The following PPM1H variants were observed in gnomAD, a reference collection of about 807,000 sequenced individuals.
PPM1H encodes the protein protein phosphatase, Mg2+/Mn2+ dependent 1H.
Under a neutral mutation model 54.9 loss-of-function variants are expected in PPM1H, and 27 were observed. The observed-to-expected ratio is 0.49, with a 90% CI of 0.36 to 0.68. The LOEUF (loss-of-function observed/expected upper bound fraction) is 0.68. Among genes scored for constraint, PPM1H ranks in the 30% least tolerant of loss-of-function variants. The pLI is 0.00. For synonymous variants in PPM1H, 305 were observed against 270.8 expected (o/e 1.13, Z -1.24); for missense variants, 596 against 667.8 (o/e 0.89, Z 1.19).
chr12:62,760,992 A>G (rs1399410768), intron 4 of PPM1H, among the ~76,000 whole-genome samples: 1 of 152,236 alleles, frequency 6.6e-6, no homozygotes, highest in African/African-American at 2.4e-5. Context: ...CAGTGCAAAC[A>G]CCAGGGTGTA....
chr12:62,822,933 CA>C (rs1249696795), intron 2 of PPM1H, among the ~76,000 whole-genome samples: 25 of 151,986 alleles, frequency 1.6e-4, no homozygotes, highest in Non-Finnish European at 2.9e-4. Context: ...AAAAACCCTT[CA>C]AAAAAATCAA....
In PPM1H at chr12:62,666,584, A is replaced by C. The variant is rs566505384; in HGVS notation, c.1397+594T>G. 7.9e-5 allele frequency among the ~76,000 whole-genome samples: 12 copies of C among 152,354 alleles called. No homozygotes were observed. In the South Asian group the frequency reaches 1.9e-3, roughly 24 times the overall value. ...TCAGAAATGGGATTATTTCTACTTT[A>C]GAGGATAGCTTAGAGGAAGTAAAAA... On this transcript the variant is annotated intron_variant, in intron 9 of 9. Coordinates refer to ENST00000228705, the MANE Select transcript of PPM1H (RefSeq NM_020700.2).
intron 2 of PPM1H, among the ~76,000 whole-genome samples, chr12:62,821,212 A>G (rs1340439525): frequency 3.3e-5 from 5 of 152,210 alleles, no homozygotes; most frequent in Non-Finnish European, 1.5e-5. Context: ...TGAGAGGAGA[A>G]GTTTAGAGAA....
intron 4 of PPM1H, among the ~76,000 whole-genome samples, chr12:62,765,819 G>T (rs2076539252): frequency 6.6e-6 from 1 of 152,216 alleles, no homozygotes; most frequent in Non-Finnish European, 1.5e-5. Context: ...TCCCAGGGCT[G>T]TTCTTGACAG....
chr12:62,699,707 G>A (rs549161972), intron 6 of PPM1H, among the ~76,000 whole-genome samples: 1 of 152,308 alleles, frequency 6.6e-6, no homozygotes, highest in East Asian at 1.9e-4. Flanking sequence ...TAGCTCTTGG[G>A]CTATCTATGA....
intron 2 of PPM1H, among the ~76,000 whole-genome samples, chr12:62,810,634 T>G (rs1262585982): frequency 6.6e-6 from 1 of 152,258 alleles, no homozygotes; most frequent in African/African-American, 2.4e-5. Context: ...AAGGGCAATT[T>G]TAGTTATTTT....
chr12:62,931,139 T>C lies in PPM1H; in HGVS notation c.245+3353A>G, dbSNP rs565420650. 3.3e-5 allele frequency among the ~76,000 whole-genome samples: 5 copies of C among 152,318 alleles called. No individual in the cohort carries two copies. The East Asian group carries it at 7.7e-4, about 24-fold the overall frequency. ...TTTTTCTACCATCTCAAAGGGTCAG[T>C]CATCAACATTAACTCATTGACCAAA... On this transcript the variant is annotated intron_variant, in intron 1 of 9. Transcript: ENST00000228705.
intron 1 of PPM1H, among the ~76,000 whole-genome samples, chr12:62,927,639 G>A (rs1346287269): frequency 1.3e-5 from 2 of 148,960 alleles, no homozygotes; most frequent in African/African-American, 2.5e-5. Context: ...TCCAGCCTGG[G>A]CAACAAGAGC....
chr12:62,794,824 G>A (rs1323648566), intron 3 of PPM1H, among the ~76,000 whole-genome samples: 3 of 152,088 alleles, frequency 2.0e-5, no homozygotes, highest in Non-Finnish European at 2.9e-5. Flanking sequence ...ATTGTCCTGG[G>A]CCAAGCGACA....
At position 62,656,789 on chromosome 12, in the gene PPM1H, G is replaced by T. The variant is rs527731311; in HGVS notation, c.1398-8153C>A. Among the ~76,000 whole-genome samples, 5 of 152,212 alleles carry T rather than the reference G, an allele frequency of 3.3e-5. No homozygotes were observed. The South Asian group carries it at 1.0e-3, about 32-fold the overall frequency. ...TGAGCAGGCCTCAGAAATTTAAGAG[G>T]TAGAAAAGCTCTCCCAGCTTTGGAA... On this transcript the variant is annotated intron_variant, in intron 9 of 9. Transcript: ENST00000228705.
At chr12:62,721,680 T>G (rs1316496860) in intron 5 of PPM1H, among the ~76,000 whole-genome samples, 3 of 152,130 alleles carry the variant, frequency 2.0e-5, no homozygotes, top group Admixed American at 1.3e-4. Context: ...TGAGAAGAAT[T>G]TGGGTGTGAA....
In PPM1H at chr12:62,649,233, T is replaced by G. The variant is rs1051467782; in HGVS notation, c.1398-597A>C. 3.4e-4 allele frequency among the ~76,000 whole-genome samples: 52 copies of G among 152,074 alleles called. 1 individual carries two copies. Among genetic ancestry groups the G allele is most frequent in the African/African-American group, 1.2e-3 (51 of 41,498 alleles). On this transcript the variant is annotated intron_variant, in intron 9 of 9. Transcript: ENST00000228705. ...TTTTAATTTATTTAATTTTTTTTTT[T>G]GTAAATGACTGATAAGCCTTGGTGT...
chr12:62,724,877 T>A (rs1325568932), intron 5 of PPM1H, among the ~76,000 whole-genome samples: 1 of 152,232 alleles, frequency 6.6e-6, no homozygotes, highest in East Asian at 1.9e-4. Flanking sequence ...GTAGGTTGGC[T>A]AAGGTTTCCA....
intron 1 of PPM1H, among the ~76,000 whole-genome samples, chr12:62,883,462 A>G (rs541371035): frequency 2.6e-5 from 4 of 152,294 alleles, no homozygotes; most frequent in African/African-American, 9.6e-5. Context: ...CCCAAGTTAG[A>G]AAGCCTCCCA....
intron 3 of PPM1H, among the ~76,000 whole-genome samples, chr12:62,790,665 G>A (rs966208261): frequency 6.6e-6 from 1 of 152,140 alleles, no homozygotes; most frequent in Non-Finnish European, 1.5e-5. Flanking sequence ...GAGAGAGCTG[G>A]GTAAGAGATT....
chr12:62,831,239 G>C (rs898427904), intron 2 of PPM1H, among the ~76,000 whole-genome samples: 1 of 152,150 alleles, frequency 6.6e-6, no homozygotes, highest in Non-Finnish European at 1.5e-5. Flanking sequence ...ATATCCTCAA[G>C]ATGATCAGAA....
chr12:62,811,414 G>T (rs759696477), intron 2 of PPM1H, among the ~76,000 whole-genome samples: 1 of 152,152 alleles, frequency 6.6e-6, no homozygotes, highest in Non-Finnish European at 1.5e-5. Flanking sequence ...GCACATCTGA[G>T]CTCCTGACTT....
intron 1 of PPM1H, among the ~76,000 whole-genome samples, chr12:62,881,382 C>T (rs1870388102): frequency 6.7e-6 from 1 of 150,170 alleles, no homozygotes; most frequent in Admixed American, 6.7e-5. Context: ...AGCTGATAAT[C>T]AGTGGAAGGC....
chr12:62,693,864 G>A, intron 7 of PPM1H, 72 bp downstream of exon 7: 2 of 1,371,684 alleles, frequency 1.5e-6, no homozygotes, highest in Admixed American at 1.9e-5. Flanking sequence ...CACACGGACT[G>A]CCACGGGCTA....
Sources: gnomAD v4.1 joint callset for allele counts (sites outside exome capture counted in the v4.1 genomes callset) on GRCh38, gnomAD v4.1.1 for gene constraint, MANE v1.5 for transcripts, NCBI Gene and HGNC (gene_info 2026-07-23, HGNC 2026-07-21) for gene names.